The following ITGA9 variants were observed in gnomAD, a reference collection of about 807,000 sequenced individuals.
ITGA9 encodes integrin alpha-9.
In ITGA9, 56 loss-of-function variants were observed where a neutral mutation model predicts 127.8. That is an observed-to-expected ratio of 0.44 (90% CI 0.35 to 0.55). The LOEUF (loss-of-function observed/expected upper bound fraction) is 0.55. ITGA9 is among the 20% of genes least tolerant of loss of function. The pLI, the probability that ITGA9 is intolerant of heterozygous loss-of-function variation, is 0.00. For synonymous variants in ITGA9, 508 were observed against 514.5 expected (o/e 0.99, Z 0.17); for missense variants, 1,196 against 1,347.1 (o/e 0.89, Z 1.76).
chr3:37,626,559 C>A (rs1360766238), intron 15 of ITGA9, among the ~76,000 whole-genome samples: 1 of 152,200 alleles, frequency 6.6e-6, no homozygotes, highest in Non-Finnish European at 1.5e-5. Flanking sequence ...TAGTATCCAA[C>A]TGTAGTCCCA....
At chr3:37,680,848 C>T (rs1700727800) in intron 17 of ITGA9, among the ~76,000 whole-genome samples, 1 of 152,100 alleles carries the variant, frequency 6.6e-6, no homozygotes, top group Admixed American at 6.5e-5. Flanking sequence ...TTAAAATGGC[C>T]AACAATAATA....
intron 3 of ITGA9, among the ~76,000 whole-genome samples, chr3:37,480,186 G>A (rs1039840580): frequency 1.4e-4 from 21 of 151,760 alleles, no homozygotes; most frequent in Non-Finnish European, 2.5e-4. Context: ...AGACATGCAC[G>A]GGAACTGGGG....
intron 18 of ITGA9, among the ~76,000 whole-genome samples, chr3:37,690,725 G>A (rs1442514620): frequency 2.6e-5 from 4 of 152,150 alleles, no homozygotes; most frequent in Admixed American, 1.3e-4. Context: ...ACCCTGGCCC[G>A]ACTCTTACAC....
intron 5 of ITGA9, among the ~76,000 whole-genome samples, chr3:37,500,817 G>A (rs1234361317): frequency 6.6e-6 from 1 of 152,164 alleles, no homozygotes; most frequent in African/African-American, 2.4e-5. Flanking sequence ...ACGGGGTGCA[G>A]GGGAATTCTG....
chr3:37,629,602 G>A lies in ITGA9; in HGVS notation c.1839+266G>A, dbSNP rs1344976691. 1.3e-5 allele frequency: 8 copies of A among 608,576 alleles called. No homozygotes were observed. Among genetic ancestry groups the A allele is most frequent in the Non-Finnish European group, 2.3e-5 (8 of 343,350 alleles). 37.7% of individuals were successfully genotyped at this position (608,576 alleles called of 1,614,324 possible). On this transcript the variant is annotated intron_variant, in intron 16 of 27. Coordinates refer to ENST00000264741, the MANE Select transcript of ITGA9 (RefSeq NM_002207.3). This position sits in a 1 kb window ranked among gnomAD's most constrained non-coding sequence, Gnocchi z 4.5. ...ACAATCCCCTCGAGTTCGTGAACTG[G>A]CTGGCCACTTGGTCCCTGAACTTGC... is the stretch of plus-strand genomic sequence containing the variant.
chr3:37,764,836 C>T (rs1366575344), intron 23 of ITGA9, among the ~76,000 whole-genome samples: 3 of 152,366 alleles, frequency 2.0e-5, no homozygotes, highest in East Asian at 3.9e-4. Context: ...CTTTGCATAG[C>T]TGGCTCCTTC....
intron 15 of ITGA9, among the ~76,000 whole-genome samples, chr3:37,614,335 G>T (rs1700053031): frequency 6.6e-6 from 1 of 151,644 alleles, no homozygotes; most frequent in Non-Finnish European, 1.5e-5. Context: ...TCTCTGTTTT[G>T]GTACCAGTAC....
At chr3:37,776,085 A>G (rs921873827) in intron 23 of ITGA9, among the ~76,000 whole-genome samples, 1 of 152,260 alleles carries the variant, frequency 6.6e-6, no homozygotes, top group Non-Finnish European at 1.5e-5. Flanking sequence ...ACAGGAACAG[A>G]AAACCAAATA....
intron 22 of ITGA9, among the ~76,000 whole-genome samples, chr3:37,747,509 A>G (rs989887111): frequency 5.9e-5 from 9 of 151,722 alleles, no homozygotes; most frequent in Non-Finnish European, 1.5e-5. Context: ...TTTTTAATCC[A>G]TTAACCATCC....
intron 4 of ITGA9, among the ~76,000 whole-genome samples, chr3:37,492,672 C>T (rs1279460859): frequency 6.6e-6 from 1 of 152,208 alleles, no homozygotes; most frequent in Non-Finnish European, 1.5e-5. Context: ...ATTTATGAGG[C>T]TGAACTGGTG....
intron 1 of ITGA9, among the ~76,000 whole-genome samples, chr3:37,466,508 A>AAAAAAAAC (rs1698373135): frequency 6.7e-6 from 1 of 150,042 alleles, no homozygotes; most frequent in African/African-American, 2.4e-5. Context: ...AAAAAAAAAA[A>AAAAAAAAC]AAAAAGGGCC....
intron 17 of ITGA9, among the ~76,000 whole-genome samples, chr3:37,677,498 T>A (rs1342152677): frequency 1.3e-5 from 2 of 152,238 alleles, no homozygotes; most frequent in African/African-American, 4.8e-5. Context: ...CACCTTATGT[T>A]CTAAATATTC....
chr3:37,496,717 C>T (rs1698734204), intron 5 of ITGA9, among the ~76,000 whole-genome samples: 1 of 152,186 alleles, frequency 6.6e-6, no homozygotes, highest in Non-Finnish European at 1.5e-5. Context: ...CTTGGCCTCC[C>T]AGCCTTCATA....
At chr3:37,563,155 A>G (rs1039757207) in intron 15 of ITGA9, among the ~76,000 whole-genome samples, 2 of 152,200 alleles carry the variant, frequency 1.3e-5, no homozygotes, top group African/African-American at 4.8e-5. Context: ...TTACATTTAG[A>G]TTAGTGATCC....
At chr3:37,815,972 G>A (rs1000492550) in intron 27 of ITGA9, among the ~76,000 whole-genome samples, 3 of 152,088 alleles carry the variant, frequency 2.0e-5, no homozygotes, top group African/African-American at 7.2e-5. Flanking sequence ...GTGGAAGCAG[G>A]GCAGGGTTCT....
At chr3:37,542,623 C>T in intron 15 of ITGA9, 38 bp downstream of exon 15, 1 of 1,606,692 alleles carries the variant, frequency 6.2e-7, no homozygotes, top group Non-Finnish European at 8.5e-7. Flanking sequence ...AAACTTTGAT[C>T]TCTGCAGATG....
chr3:37,767,460 G>A (rs189267734), intron 23 of ITGA9, among the ~76,000 whole-genome samples: 2 of 152,142 alleles, frequency 1.3e-5, no homozygotes, highest in Non-Finnish European at 2.9e-5. Flanking sequence ...TTAAAGTTAC[G>A]ATCTTTTCCT....
intron 1 of ITGA9, among the ~76,000 whole-genome samples, chr3:37,455,115 C>T (rs1336915630): frequency 6.6e-6 from 1 of 152,190 alleles, no homozygotes; most frequent in Non-Finnish European, 1.5e-5. Context: ...CTGGATCTGT[C>T]CTAAGTCTGT....
chr3:37,624,566 C>T (rs1005503050), intron 15 of ITGA9, among the ~76,000 whole-genome samples: 1 of 152,072 alleles, frequency 6.6e-6, no homozygotes, highest in Non-Finnish European at 1.5e-5. Flanking sequence ...CCTGCTGCCT[C>T]CATGTTGGCC....
Sources: allele counts gnomAD v4.1 joint callset (sites outside exome capture counted in the v4.1 genomes callset), GRCh38; gene constraint gnomAD v4.1.1; non-coding constraint Gnocchi (gnomAD v3.1); transcripts MANE v1.5; gene names NCBI Gene and HGNC (gene_info 2026-07-23, HGNC 2026-07-21).